The following WWOX variants were observed in gnomAD, a reference collection of about 807,000 sequenced individuals.
WWOX encodes WW domain-containing oxidoreductase.
Under a neutral mutation model 46.2 loss-of-function variants are expected in WWOX, and 69 were observed. The ratio of observed to expected loss-of-function variants is 1.49; its 90% confidence interval spans 1.23 to 1.82. The LOEUF (loss-of-function observed/expected upper bound fraction) is 1.82, where lower values mean the gene tolerates loss of function less well. Ranked by LOEUF, WWOX falls within the 40% of genes most tolerant of loss-of-function variation. The pLI is 0.00. For synonymous variants in WWOX, 359 were observed against 202.6 expected (o/e 1.77, Z -6.56); for missense variants, 919 against 542.6 (o/e 1.69, Z -6.89).
intron 8 of WWOX, among the ~76,000 whole-genome samples, chr16:78,834,804 C>G (rs751488749): frequency 3.9e-4 from 60 of 151,964 alleles, no homozygotes; most frequent in Non-Finnish European, 6.3e-4. Context: ...TACCCAGAAC[C>G]AAAAAAATTA....
intron 8 of WWOX, among the ~76,000 whole-genome samples, chr16:78,816,184 A>G (rs1380086537): frequency 6.6e-6 from 1 of 152,106 alleles, no homozygotes; most frequent in Non-Finnish European, 1.5e-5. Context: ...CCTCTGATAA[A>G]CCCTCTGATA....
chr16:78,814,597 A>T (rs2051282851), intron 8 of WWOX, among the ~76,000 whole-genome samples: 1 of 152,202 alleles, frequency 6.6e-6, no homozygotes, highest in African/African-American at 2.4e-5. Context: ...ATCCAATTTC[A>T]AGATGTATCC....
intron 8 of WWOX, among the ~76,000 whole-genome samples, chr16:78,567,410 C>T (rs552318570): frequency 1.3e-5 from 2 of 150,998 alleles, no homozygotes; most frequent in East Asian, 2.0e-4. Context: ...AAAATTAGCC[C>T]GGCGTGGTGG....
At chr16:78,174,793 GC>G (rs2035277828) in intron 5 of WWOX, among the ~76,000 whole-genome samples, 1 of 152,044 alleles carries the variant, frequency 6.6e-6, no homozygotes, top group Admixed American at 6.5e-5. Flanking sequence ...CTGGCGACCA[GC>G]CTGGGCAATA....
At chr16:78,456,507 G>T (rs570498965) in intron 8 of WWOX, among the ~76,000 whole-genome samples, 8 of 152,238 alleles carry the variant, frequency 5.3e-5, no homozygotes, top group African/African-American at 1.9e-4. Context: ...TTAAGCAATA[G>T]CCTTAAATTC....
chr16:78,750,030 T>A (rs950141580), intron 8 of WWOX, among the ~76,000 whole-genome samples: 2 of 152,270 alleles, frequency 1.3e-5, no homozygotes, highest in East Asian at 1.9e-4. Flanking sequence ...GTAGATAGAC[T>A]CTATCAGGGA....
chr16:79,181,765 A>T (rs2050916617), intron 8 of WWOX, among the ~76,000 whole-genome samples: 1 of 152,146 alleles, frequency 6.6e-6, no homozygotes, highest in South Asian at 2.1e-4. Flanking sequence ...GGAGGTCACA[A>T]ATGGAGAGGT....
Position 78,889,148 on chromosome 16 carries a change from G to A in WWOX, c.1057-322460G>A, listed in dbSNP as rs528713276. Among the ~76,000 whole-genome samples the A allele has an allele frequency of 3.9e-5, 6 of 152,198 alleles. No homozygotes were observed. In the East Asian group the frequency reaches 7.7e-4, roughly 20 times the overall value. ...TCTGTGTCCCACCCTTCAGGAATAC[G>A]GCTTAATAATAAGATGATAAGGATT... On this transcript the variant is annotated intron_variant, in intron 8 of 8. Coordinates refer to ENST00000566780, the MANE Select transcript of WWOX (RefSeq NM_016373.4).
intron 8 of WWOX, among the ~76,000 whole-genome samples, chr16:78,977,303 C>G (rs145826129): frequency 6.6e-6 from 1 of 152,218 alleles, no homozygotes; most frequent in African/African-American, 2.4e-5. Context: ...TGGCCTCCCA[C>G]AGGGAAGCAG....
chr16:79,120,142 C>G (rs958466179), intron 8 of WWOX, among the ~76,000 whole-genome samples: 5 of 152,210 alleles, frequency 3.3e-5, no homozygotes, highest in African/African-American at 1.2e-4. Context: ...TTTATTTAAT[C>G]CAAAACTCAG....
chr16:79,038,370 C>G (rs142909747), intron 8 of WWOX, among the ~76,000 whole-genome samples: 113 of 151,370 alleles, frequency 7.5e-4, no homozygotes, highest in African/African-American at 2.4e-3. Context: ...AGGTGGAAAA[C>G]GAAGGAAGAA....
At chr16:78,815,326 A>AG in intron 8 of WWOX, among the ~76,000 whole-genome samples, 1 of 150,984 alleles carries the variant, frequency 6.6e-6, no homozygotes, top group African/African-American at 2.4e-5. Flanking sequence ...CTCTGTCTCG[A>AG]GAAAAAAAAA....
chr16:78,536,413 C>T (rs1372050507), intron 8 of WWOX, among the ~76,000 whole-genome samples: 3 of 151,618 alleles, frequency 2.0e-5, no homozygotes, highest in Non-Finnish European at 4.4e-5. Context: ...CCCCGGGGTC[C>T]TGTGAGGGAC....
intron 8 of WWOX, among the ~76,000 whole-genome samples, chr16:78,486,704 G>C (rs1050491359): frequency 1.3e-5 from 2 of 152,188 alleles, no homozygotes; most frequent in Non-Finnish European, 2.9e-5. Context: ...CTCCCGCGTA[G>C]CTGGGATTAC....
intron 8 of WWOX, among the ~76,000 whole-genome samples, chr16:78,862,622 C>T (rs933123204): frequency 6.6e-6 from 1 of 152,068 alleles, no homozygotes; most frequent in Non-Finnish European, 1.5e-5. Context: ...TGAGTCTGAG[C>T]AGCTGAGAAG....
intron 8 of WWOX, among the ~76,000 whole-genome samples, chr16:78,574,154 C>G (rs1039552301): frequency 6.6e-6 from 1 of 152,184 alleles, no homozygotes; most frequent in Non-Finnish European, 1.5e-5. Flanking sequence ...AATATCTGGG[C>G]TTTTCCCACA....
chr16:78,672,816 A>G (rs998968921), intron 8 of WWOX, among the ~76,000 whole-genome samples: 2 of 152,132 alleles, frequency 1.3e-5, no homozygotes, highest in African/African-American at 4.8e-5. Context: ...CAGCCATCTG[A>G]CTTGATCGGA....
At position 78,589,946 on chromosome 16, in the gene WWOX, A is replaced by G. The variant is rs556151039; in HGVS notation, c.1056+157194A>G. On this transcript the variant is annotated intron_variant, in intron 8 of 8. Coordinates refer to ENST00000566780, the MANE Select transcript of WWOX (RefSeq NM_016373.4). ...TGTTGGAATTTCCCAAGAACATTTCATGATTAGTGACAGGTTATCTTCTAG... is the reference window on the plus strand; with the variant it reads ...TGTTGGAATTTCCCAAGAACATTTCGTGATTAGTGACAGGTTATCTTCTAG... Among the ~76,000 whole-genome samples, 3 of 152,290 alleles carry G rather than the reference A, an allele frequency of 2.0e-5. No homozygotes were observed. In the South Asian group the frequency reaches 6.2e-4, roughly 32 times the overall value.
intron 8 of WWOX, among the ~76,000 whole-genome samples, chr16:78,827,150 C>G (rs1289418608): frequency 1.3e-5 from 2 of 152,130 alleles, no homozygotes; most frequent in African/African-American, 4.8e-5. Context: ...TCAAATTTAG[C>G]TGTTCCCCCA....
Sources: allele counts gnomAD v4.1 joint callset (sites outside exome capture counted in the v4.1 genomes callset), GRCh38; gene constraint gnomAD v4.1.1; transcripts MANE v1.5; gene names NCBI Gene and HGNC (gene_info 2026-07-23, HGNC 2026-07-21).